GABRA6: variants seen among roughly 807,000 people sequenced by gnomAD.
GABRA6 encodes gamma-aminobutyric acid receptor subunit alpha-6.
Under a neutral mutation model 47.3 loss-of-function variants are expected in GABRA6, and 45 were observed. That is an observed-to-expected ratio of 0.95 (90% CI 0.75 to 1.22). The LOEUF (loss-of-function observed/expected upper bound fraction) is 1.22. GABRA6 is among the 50% of genes most tolerant of loss of function. GABRA6 has a pLI of 0.00. For synonymous variants in GABRA6, 219 were observed against 194.7 expected (o/e 1.12, Z -1.04); for missense variants, 583 against 549.3 (o/e 1.06, Z -0.61).
At position 161,692,071 on chromosome 5, in the gene GABRA6, C is replaced by G; in HGVS notation, c.957C>G (p.Ile319Met). Reference protein sequence around the residue: ...VCFAFVFSALIEFAAVNYFTN... With the variant: ...VCFAFVFSALMEFAAVNYFTN... ...TTGCATTCGTCTTCTCTGCGCTTAT[C>G]GAGTTCGCAGCTGTCAACTACTTTA... Residue 319 changes from isoleucine (I) to methionine (M), a missense_variant, in exon 8 of 9, where the codon ATC becomes ATG. Physicochemically the swap from Ile to Met is conservative, Grantham distance 10. Coordinates refer to ENST00000274545, the MANE Select transcript of GABRA6 (RefSeq NM_000811.3). 1.2e-6 allele frequency: 2 copies of G among 1,614,160 alleles called. No homozygotes were observed. Among genetic ancestry groups the G allele is most frequent in the Non-Finnish European group, 1.7e-6 (2 of 1,180,024 alleles).
chr5:161,685,934 G>T lies in GABRA6; in HGVS notation c.-56G>T. The T allele has an allele frequency of 1.4e-6, 2 of 1,414,820 alleles. No individual in the cohort carries two copies. The highest frequency in any genetic ancestry group is 3.5e-4 in the Middle Eastern group (2 of 5,702). 87.6% of individuals were successfully genotyped at this position (1,414,820 alleles called of 1,614,324 possible). On this transcript the variant is annotated 5_prime_UTR_variant, in exon 1 of 9. Transcript: ENST00000274545. Reference sequence around the variant, plus strand: ...CCAGTTGATTGGCAGAGAAGAGCTGGCTAGCAGGGAGGACGACCCTAGGAG... The same window carrying T: ...CCAGTTGATTGGCAGAGAAGAGCTGTCTAGCAGGGAGGACGACCCTAGGAG...
At chr5:161,686,206 G>A (rs1270417464) in intron 1 of GABRA6, 24 bp from the exon 2 acceptor site, 2 of 1,553,242 alleles carry the variant, frequency 1.3e-6, no homozygotes, top group Admixed American at 1.7e-5. Context: ...CTGGGAGTAA[G>A]GATCATTGAC....
chr5:161,691,757 T>G (rs1754796095), intron 7 of GABRA6, among the ~76,000 whole-genome samples, 184 bp from the exon 8 acceptor site: 1 of 151,950 alleles, frequency 6.6e-6, no homozygotes, highest in Non-Finnish European at 1.5e-5. Flanking sequence ...TCACTAAATA[T>G]TGAAAGATTC....
At chr5:161,689,540 T>C in intron 5 of GABRA6, 96 bp from the exon 6 acceptor site, 1 of 1,179,304 alleles carries the variant, frequency 8.5e-7, no homozygotes, top group South Asian at 1.3e-5. Context: ...ACAATCTATG[T>C]TTGTATTTCC....
At chr5:161,695,388 T>A (rs1272154586) in intron 8 of GABRA6, among the ~76,000 whole-genome samples, 1 of 152,130 alleles carries the variant, frequency 6.6e-6, no homozygotes, top group Non-Finnish European at 1.5e-5. Context: ...GGAAAAGAAA[T>A]TGTCAACAGT....
At chr5:161,701,369 T>C in intron 8 of GABRA6, 129 bp from the exon 9 acceptor site, 6 of 977,036 alleles carry the variant, frequency 6.1e-6, no homozygotes, top group South Asian at 1.3e-5. Context: ...TAAGAATTCA[T>C]TGATGTTTGA....
chr5:161,701,549 C>A lies in GABRA6; in HGVS notation c.1138C>A (p.Pro380Thr). 6.2e-7 allele frequency: 1 copy of A among 1,614,138 alleles called. No homozygotes were observed. The highest frequency in any genetic ancestry group is 1.1e-5 in the South Asian group (1 of 91,080). ...GAAAAGGATCACTTCTCTGTCTTTG[C>A]CAATAGTTTCATCTTCCGAGGCCAA... ...LKKRITSLSL[P>T]IVSSSEANKV... The change falls in exon 9 of 9, where the codon CCA becomes ACA. Residue 380 changes from proline (P) to threonine (T), a missense_variant. By Grantham distance (38) the Pro-to-Thr change is conservative. Transcript: ENST00000274545.
intron 8 of GABRA6, among the ~76,000 whole-genome samples, chr5:161,700,695 T>A (rs1342894552): frequency 2.0e-5 from 3 of 152,144 alleles, no homozygotes; most frequent in African/African-American, 7.2e-5. Context: ...GTTGATTGTG[T>A]CATGATTTCA....
chr5:161,701,998 G>A lies in GABRA6; in HGVS notation c.*225G>A. 1.8e-6 allele frequency: 1 copy of A among 554,240 alleles called. No homozygotes were observed. The highest frequency in any genetic ancestry group is 3.0e-5 in the East Asian group (1 of 33,218). The allele number at this position is 554,240 out of a possible 1,614,324, so 34.3% of individuals were successfully genotyped here. A position where few individuals can be genotyped will look rare whatever the true frequency, so the allele number is the denominator to read the frequency against. ...AAAAATATGACTTTTCTGTATGTTA[G>A]AGAAAAACTTTATGAGGATGAAATG... On this transcript the variant is annotated 3_prime_UTR_variant, in exon 9 of 9. Coordinates refer to ENST00000274545, the MANE Select transcript of GABRA6 (RefSeq NM_000811.3).
At position 161,686,316 on chromosome 5, in the gene GABRA6, G is replaced by A. The variant is rs368424653; in HGVS notation, c.125G>A (p.Gly42Asp). The change falls in exon 2 of 9, where the codon GGC becomes GAC. Residue 42 changes from glycine to aspartate, a missense_variant. Gly to Asp is a moderately conservative substitution (Grantham distance 94). Coordinates refer to ENST00000274545, the MANE Select transcript of GABRA6 (RefSeq NM_000811.3). ...CGGATCCTGGACAACTTGCTTGAAG[G>A]CTATGACAATCGGCTGCGGCCGGGA... ...VSRILDNLLE[G>D]YDNRLRPGFG... 6.2e-7 allele frequency: 1 copy of A among 1,613,926 alleles called. No homozygotes were observed. The highest frequency in any genetic ancestry group is 1.3e-5 in the African/African-American group (1 of 74,920).
chr5:161,688,920 G>T, intron 3 of GABRA6, 29 bp from the exon 4 acceptor site: 1 of 1,572,512 alleles, frequency 6.4e-7, no homozygotes. Flanking sequence ...TATCTTTCCA[G>T]CCCACACAAA....
At position 161,685,853 on chromosome 5, in the gene GABRA6, G is replaced by C; in HGVS notation, c.-137G>C. 1 of 774,234 alleles carries C rather than the reference G, an allele frequency of 1.3e-6. No homozygotes were observed. Among genetic ancestry groups the C allele is most frequent in the Non-Finnish European group, 2.3e-6 (1 of 427,494 alleles). The allele number at this position is 774,234 out of a possible 1,614,324, so 48.0% of individuals were successfully genotyped here. ...TTTTAGGCAACCTCTTTATCTATTG[G>C]ATTACTGACTTGAGGCAAACAAGGA... On this transcript the variant is annotated 5_prime_UTR_variant, in exon 1 of 9. Coordinates refer to ENST00000274545, the MANE Select transcript of GABRA6 (RefSeq NM_000811.3).
chr5:161,692,799 T>C (rs1318882188), intron 8 of GABRA6, among the ~76,000 whole-genome samples: 5 of 152,218 alleles, frequency 3.3e-5, no homozygotes, highest in Non-Finnish European at 5.9e-5. Flanking sequence ...CAGTGAGAAA[T>C]AGTTATAAAT....
intron 7 of GABRA6, among the ~76,000 whole-genome samples, chr5:161,690,713 T>C (rs910983640): frequency 2.0e-5 from 3 of 152,190 alleles, no homozygotes; most frequent in Non-Finnish European, 4.4e-5. Context: ...AATACATAGG[T>C]TGTATACCCC....
rs765780675 is a variant in GABRA6, at chr5:161,692,119, CA to C, written c.1009del (p.Arg337GlyfsTer11). On this transcript the variant is annotated frameshift_variant, in exon 8 of 9. Coordinates refer to ENST00000274545, the MANE Select transcript of GABRA6 (RefSeq NM_000811.3). LOFTEE classifies it high-confidence loss of function. ...TTACCAATCTTCAGACACAGAAGGC[CA>C]AAAGGAAGGCACAGTTTGCAGCCCC... Reference protein sequence around the residue: ...YFTNLQTQKAKRKAQFAAPPT... With the variant: ...YFTNLQTQKAXRKAQFAAPPT... 19 of 1,613,830 alleles carry C rather than the reference CA, an allele frequency of 1.2e-5. No individual in the cohort carries two copies. Among genetic ancestry groups the C allele is most frequent in the African/African-American group, 4.0e-5 (3 of 74,842 alleles).
chr5:161,691,024 A>T (rs1238643410), intron 7 of GABRA6, among the ~76,000 whole-genome samples: 1 of 152,074 alleles, frequency 6.6e-6, no homozygotes, highest in African/African-American at 2.4e-5. Flanking sequence ...GAATGCCAAC[A>T]TAATGATGTT....
chr5:161,686,794 C>G lies in GABRA6; in HGVS notation c.158-142C>G. 5 of 741,034 alleles carry G rather than the reference C, an allele frequency of 6.7e-6. No homozygotes were observed. The South Asian group carries it at 7.4e-5, about 11-fold the overall frequency. The allele number at this position is 741,034 out of a possible 1,614,324, so 45.9% of individuals were successfully genotyped here. Reference sequence around the variant, plus strand: ...CATGAGTTTTCAGAGTTGAGAGACCCAAGGATCCCCACTACTGGAATGCAA... The same window carrying G: ...CATGAGTTTTCAGAGTTGAGAGACCGAAGGATCCCCACTACTGGAATGCAA... On this transcript the variant is annotated intron_variant, in intron 2 of 8. Coordinates refer to ENST00000274545, the MANE Select transcript of GABRA6 (RefSeq NM_000811.3).
At chr5:161,692,293 G>A in intron 8 of GABRA6, 93 bp downstream of exon 8, 2 of 1,458,892 alleles carry the variant, frequency 1.4e-6, no homozygotes, top group South Asian at 1.1e-5. Context: ...AGTAATGTGA[G>A]TTGAGCACAG....
Position 161,686,935 on chromosome 5 carries a change from G to T in GABRA6, c.158-1G>T. 1 of 1,613,810 alleles carries T rather than the reference G, an allele frequency of 6.2e-7. No homozygotes were observed. Among genetic ancestry groups the T allele is most frequent in the Non-Finnish European group, 8.5e-7 (1 of 1,179,754 alleles). ...GTTTCATCCCTCTGGGCTAATTTCA[G>T]GTGCTGTCACTGAAGTCAAAACAGA... On this transcript the variant is annotated splice_acceptor_variant, in intron 2 of 8. Coordinates refer to ENST00000274545, the MANE Select transcript of GABRA6 (RefSeq NM_000811.3). LOFTEE classifies it high-confidence loss of function.
Sources: gnomAD v4.1 joint callset for allele counts (sites outside exome capture counted in the v4.1 genomes callset) on GRCh38, gnomAD v4.1.1 for gene constraint, MANE v1.5 for transcripts, NCBI Gene and HGNC (gene_info 2026-07-23, HGNC 2026-07-21) for gene names.